SLC36A1: variants seen among roughly 807,000 people sequenced by gnomAD.
SLC36A1 encodes the protein solute carrier family 36 member 1, also known as proton-coupled amino acid transporter 1.
In SLC36A1, 30 loss-of-function variants were observed where a neutral mutation model predicts 47.5. The observed-to-expected ratio is 0.63, with a 90% CI of 0.47 to 0.86. SLC36A1 has a LOEUF of 0.86. SLC36A1 is among the 40% of genes least tolerant of loss of function. SLC36A1 has a pLI of 0.00. For missense variants in SLC36A1, 517 were observed against 606.0 expected, an observed-to-expected ratio of 0.85 and a Z score of 1.54; for synonymous variants, 255 against 249.7, an observed-to-expected ratio of 1.02 and a Z score of -0.20.
rs930576412 is a variant in SLC36A1, at chr5:151,473,880, C to G, written c.822+109C>G. ...CATTGTTAGAAAGTATCTTCTGAGGCCAGGCATGGTGGCTCACGCCTGTAA... is the reference window on the plus strand; with the variant it reads ...CATTGTTAGAAAGTATCTTCTGAGGGCAGGCATGGTGGCTCACGCCTGTAA... On this transcript the variant is annotated intron_variant, in intron 8 of 10. Transcript: ENST00000243389. 111 of 901,832 alleles carry G rather than the reference C, an allele frequency of 1.2e-4. No individual in the cohort carries two copies. The Admixed American group carries it at 2.0e-3, about 17-fold the overall frequency. 55.9% of individuals were successfully genotyped at this position (901,832 alleles called of 1,614,324 possible). A position where few individuals can be genotyped will look rare whatever the true frequency, so the allele number is the denominator to read the frequency against.
chr5:151,531,821 C>G, the SLC36A1 span: 6 of 1,613,862 alleles, frequency 3.7e-6, no homozygotes, highest in Non-Finnish European at 5.1e-6. The surrounding 1 kb of genome is among the most constrained non-coding windows in gnomAD (Gnocchi z 5.7). Context: ...ATTGGGGTGC[C>G]CAGGTCAGAG....
chr5:151,362,571 A>G, the SLC36A1 span, among the ~76,000 whole-genome samples: 84 of 151,654 alleles, frequency 5.5e-4, no homozygotes, highest in Admixed American at 3.0e-3. Flanking sequence ...TTGTATTTTT[A>G]GTAGAGATGA....
chr5:151,482,619 G>A (rs152389), intron 10 of SLC36A1, among the ~76,000 whole-genome samples: 51,388 of 151,932 alleles, frequency 0.34, 10,242 homozygotes, highest in African/African-American at 0.56. Context: ...ATTTTATTTA[G>A]TTTTATATCA....
chr5:151,368,186 G>A, the SLC36A1 span, among the ~76,000 whole-genome samples: 2 of 152,298 alleles, frequency 1.3e-5, no homozygotes, highest in African/African-American at 4.8e-5. Flanking sequence ...CAATCACAAA[G>A]TGTGCCAAAA....
intron 7 of SLC36A1, among the ~76,000 whole-genome samples, chr5:151,470,502 C>A (rs1285204336): frequency 6.6e-6 from 1 of 152,226 alleles, no homozygotes; most frequent in Non-Finnish European, 1.5e-5. Context: ...CTGAGTCTTC[C>A]TCTGGGCTTA....
chr5:151,541,118 G>T, the SLC36A1 span, among the ~76,000 whole-genome samples: 1 of 152,194 alleles, frequency 6.6e-6, no homozygotes, highest in African/African-American at 2.4e-5. Context: ...TACAACAGTG[G>T]AGAGATAGGA....
chr5:151,370,140 C>T, the SLC36A1 span, among the ~76,000 whole-genome samples: 5 of 152,160 alleles, frequency 3.3e-5, no homozygotes, highest in Admixed American at 3.3e-4. Context: ...CCTAAATGTT[C>T]TCTGAACTCA....
the SLC36A1 span, chr5:151,505,517 C>CAA: frequency 6.2e-7 from 1 of 1,607,978 alleles, no homozygotes; most frequent in Non-Finnish European, 8.5e-7. Flanking sequence ...AGAAATAAGC[C>CAA]AAGTCCAGTC....
chr5:151,351,475 C>T, the SLC36A1 span, among the ~76,000 whole-genome samples: 1 of 151,710 alleles, frequency 6.6e-6, no homozygotes, highest in Non-Finnish European at 1.5e-5. Context: ...TTTTAGGTTT[C>T]TGAACTTGCT....
chr5:151,398,517 G>A, the SLC36A1 span, among the ~76,000 whole-genome samples: 12 of 152,196 alleles, frequency 7.9e-5, no homozygotes, highest in African/African-American at 2.9e-4. Flanking sequence ...ACTGGAACCA[G>A]AACTGAAGAA....
At chr5:151,389,351 C>A in the SLC36A1 span, among the ~76,000 whole-genome samples, 1 of 152,108 alleles carries the variant, frequency 6.6e-6, no homozygotes, top group Non-Finnish European at 1.5e-5. Context: ...CCTGAGGCTC[C>A]TATAATGCCT....
intron 8 of SLC36A1, among the ~76,000 whole-genome samples, chr5:151,474,178 A>AAAAAAAAAAAAAAAAAAAAAAAAGAGAG (rs776318482): frequency 8.4e-6 from 1 of 119,008 alleles, no homozygotes; most frequent in African/African-American, 4.5e-5. Context: ...AAAAAAAAAA[A>AAAAAAAAAAAAAAAAAAAAAAAAGAGAG]AGAAATTATC....
chr5:151,420,830 T>C, the SLC36A1 span, among the ~76,000 whole-genome samples: 1 of 152,032 alleles, frequency 6.6e-6, no homozygotes, highest in African/African-American at 2.4e-5. Flanking sequence ...AAAGGGATTA[T>C]TTTTTAAGAA....
At chr5:151,438,197 T>C (rs1581014973) in intron 1 of SLC36A1, among the ~76,000 whole-genome samples, 1 of 152,238 alleles carries the variant, frequency 6.6e-6, no homozygotes, top group Admixed American at 6.5e-5. Context: ...CCACTTTACC[T>C]GGGACAATTT....
At chr5:151,428,758 G>A in the SLC36A1 span, among the ~76,000 whole-genome samples, 1 of 152,146 alleles carries the variant, frequency 6.6e-6, no homozygotes, top group East Asian at 1.9e-4. Context: ...TCAACCTCCT[G>A]AGTAGCTGGG....
chr5:151,477,018 G>C (rs1460147761), intron 9 of SLC36A1: 1 of 593,384 alleles, frequency 1.7e-6, no homozygotes, highest in African/African-American at 1.8e-5. Context: ...AGCTCAGAAG[G>C]ACCGAGTATC....
At chr5:151,550,419 T>C in the SLC36A1 span, among the ~76,000 whole-genome samples, 13 of 152,306 alleles carry the variant, frequency 8.5e-5, no homozygotes, top group Admixed American at 8.5e-4. Context: ...CTACCTTCAC[T>C]TCCAGGCATC....
At chr5:151,516,091 A>G in the SLC36A1 span, among the ~76,000 whole-genome samples, 1 of 152,132 alleles carries the variant, frequency 6.6e-6, no homozygotes, top group Non-Finnish European at 1.5e-5. Flanking sequence ...TCACATTGCT[A>G]TTCCCTCTAT....
chr5:151,358,461 C>T, the SLC36A1 span, among the ~76,000 whole-genome samples: 4 of 152,200 alleles, frequency 2.6e-5, no homozygotes, highest in East Asian at 3.9e-4. Context: ...TGGGATCTTG[C>T]TATGTTACTC....
Sources: gnomAD v4.1 joint callset for allele counts (sites outside exome capture counted in the v4.1 genomes callset) on GRCh38, gnomAD v4.1.1 for gene constraint, Gnocchi (gnomAD v3.1) non-coding constraint, MANE v1.5 for transcripts, NCBI Gene and HGNC (gene_info 2026-07-23, HGNC 2026-07-21) for gene names.